The following DOP1B variants were observed in gnomAD, a reference collection of about 807,000 sequenced individuals.
DOP1B encodes protein DOP1B.
DOP1B carries 174 observed loss-of-function variants against 233.5 expected under a neutral mutation model. The observed-to-expected ratio is 0.75, with a 90% CI of 0.66 to 0.85. The LOEUF (loss-of-function observed/expected upper bound fraction) is 0.85. DOP1B is among the 40% of genes least tolerant of loss of function. DOP1B has a pLI of 0.00. For missense variants in DOP1B, 2,652 were observed against 2,846.6 expected (o/e 0.93, Z 1.56); for synonymous variants, 1,190 against 1,185.6 (o/e 1.00, Z -0.08).
In DOP1B at chr21:36,245,670, C is replaced by T. The variant is rs752011927; in HGVS notation, c.3690C>T (p.Leu1230=). ...AGGCCTTGTTCAAGCACATCCTGCTCTACCTGCAGCCCTACGACTCTCGGC... is the reference window on the plus strand; with the variant it reads ...AGGCCTTGTTCAAGCACATCCTGCTTTACCTGCAGCCCTACGACTCTCGGC... ...AVEALFKHIL[L]YLQPYDSRRV... is the part of the protein sequence containing the mutation. The change falls in exon 19 of 37, where the codon CTC becomes CTT. Residue 1230 remains leucine (L), a synonymous_variant. Transcript: ENST00000691173. The surrounding 1 kb of genome is among the most constrained non-coding windows in gnomAD (Gnocchi z 5.5). 1.2e-6 allele frequency: 2 copies of T among 1,613,638 alleles called. No homozygotes were observed. The highest frequency in any genetic ancestry group is 1.7e-6 in the Non-Finnish European group (2 of 1,180,018).
chr21:36,283,973 A>T (rs1601482450), intron 32 of DOP1B, among the ~76,000 whole-genome samples: 2 of 104,644 alleles, frequency 1.9e-5, no homozygotes, highest in Admixed American at 1.4e-4. Context: ...TTTGAGATGG[A>T]GTCTTGCTCT....
At chr21:36,195,176 C>G (rs2066275883) in intron 2 of DOP1B, among the ~76,000 whole-genome samples, 1 of 151,922 alleles carries the variant, frequency 6.6e-6, no homozygotes, top group Non-Finnish European at 1.5e-5. Context: ...CTTGTCTCTA[C>G]TAAAAAATAC....
intron 12 of DOP1B, among the ~76,000 whole-genome samples, chr21:36,226,265 A>G (rs1160480779): frequency 6.6e-6 from 1 of 151,598 alleles, no homozygotes; most frequent in Non-Finnish European, 1.5e-5. Flanking sequence ...AACAATAGAA[A>G]TGTTCTTTTC....
At chr21:36,264,017 CT>C (rs1415135107) in intron 26 of DOP1B, among the ~76,000 whole-genome samples, 1 of 152,214 alleles carries the variant, frequency 6.6e-6, no homozygotes, top group Non-Finnish European at 1.5e-5. Context: ...GATGAAGGTT[CT>C]TGTGTAATGC....
chr21:36,232,904 G>C lies in DOP1B; in HGVS notation c.2451G>C (p.Leu817=), dbSNP rs1031076997. The change falls in exon 15 of 37, where the codon CTG becomes CTC. Residue 817 remains leucine, a synonymous_variant. Transcript: ENST00000691173. The part of the protein sequence containing the change: ...CYLQNVAIST[L]LEVINHSQSL... ...TCCAGAACGTGGCCATTTCCACTCT[G>C]CTGGAAGTGATAAACCATTCCCAGT... 2.5e-6 allele frequency: 4 copies of C among 1,613,896 alleles called. No individual in the cohort carries two copies. The highest frequency in any genetic ancestry group is 3.3e-5 in the Admixed American group (2 of 59,960).
At chr21:36,181,527 C>A (rs1043131619) in intron 2 of DOP1B, among the ~76,000 whole-genome samples, 4 of 152,190 alleles carry the variant, frequency 2.6e-5, no homozygotes, top group Admixed American at 1.3e-4. Flanking sequence ...GATCCACCCC[C>A]CTCAGCCTCC....
intron 21 of DOP1B, among the ~76,000 whole-genome samples, chr21:36,249,703 G>A (rs1017137251): frequency 6.6e-5 from 10 of 152,128 alleles, no homozygotes; most frequent in Non-Finnish European, 1.0e-4. Flanking sequence ...CGCAGGACTC[G>A]GTCGCTCACC....
At chr21:36,277,563 G>C (rs1026720088) in intron 28 of DOP1B, among the ~76,000 whole-genome samples, 3 of 152,056 alleles carry the variant, frequency 2.0e-5, no homozygotes. Flanking sequence ...TTACAGGCGT[G>C]ACCCACCGCT....
chr21:36,220,324 T>C (rs1458611490), intron 10 of DOP1B, among the ~76,000 whole-genome samples: 1 of 152,168 alleles, frequency 6.6e-6, no homozygotes, highest in Non-Finnish European at 1.5e-5. Flanking sequence ...TTTACTGATA[T>C]TTGAAAGATC....
At chr21:36,165,826 C>A (rs1009240543) in intron 2 of DOP1B, among the ~76,000 whole-genome samples, 1 of 151,212 alleles carries the variant, frequency 6.6e-6, no homozygotes, top group African/African-American at 2.4e-5. Flanking sequence ...AGCGATTACT[C>A]CTGCCTCAGC....
intron 2 of DOP1B, chr21:36,169,337 T>C: frequency 1.3e-6 from 1 of 783,652 alleles, no homozygotes; most frequent in South Asian, 1.4e-5. Flanking sequence ...ACAGATCTTC[T>C]TGTTGATCTC....
chr21:36,257,371 A>G (rs904179042), intron 23 of DOP1B, among the ~76,000 whole-genome samples: 4 of 152,144 alleles, frequency 2.6e-5, no homozygotes, highest in African/African-American at 9.7e-5. Context: ...TACTTAATAC[A>G]GTGACTGGGG....
intron 32 of DOP1B, among the ~76,000 whole-genome samples, chr21:36,286,836 C>T (rs543903052): frequency 7.2e-5 from 11 of 151,916 alleles, no homozygotes; most frequent in African/African-American, 2.4e-4. Flanking sequence ...TGGTGGCAGA[C>T]ACCTGTAATC....
At chr21:36,260,881 G>A (rs2067161708) in intron 24 of DOP1B, 149 bp downstream of exon 24, 5 of 1,479,178 alleles carry the variant, frequency 3.4e-6, no homozygotes, top group Middle Eastern at 1.8e-4. Context: ...TCTTCCCAAG[G>A]TATTGATCTA....
chr21:36,287,613 G>C (rs1041610702), intron 32 of DOP1B, among the ~76,000 whole-genome samples: 2 of 123,506 alleles, frequency 1.6e-5, no homozygotes, highest in African/African-American at 6.3e-5. Context: ...TTGAGATGGA[G>C]TCTCACTCTG....
At position 36,246,430 on chromosome 21, in the gene DOP1B, G is replaced by T. The variant is rs747222206; in HGVS notation, c.4450G>T (p.Ala1484Ser). 6 of 1,613,452 alleles carry T rather than the reference G, an allele frequency of 3.7e-6. No homozygotes were observed. The highest frequency in any genetic ancestry group is 5.1e-6 in the Non-Finnish European group (6 of 1,179,810). Reference sequence around the variant, plus strand: ...CCTGAACTTCCAGCAGGCCATCAGCGCCCTGCAGTACGTGCAGCCCCACCC... The same window carrying T: ...CCTGAACTTCCAGCAGGCCATCAGCTCCCTGCAGTACGTGCAGCCCCACCC... ...RALNFQQAIS[A>S]LQYVQPHPLT... The change falls in exon 19 of 37, where the codon GCC becomes TCC. Residue 1484 changes from alanine to serine, a missense_variant. By Grantham distance (99) the Ala-to-Ser change is moderately conservative. Transcript: ENST00000691173. The surrounding 1 kb of genome is among the most constrained non-coding windows in gnomAD (Gnocchi z 5.1).
chr21:36,227,171 G>A (rs1040892787), intron 12 of DOP1B, among the ~76,000 whole-genome samples: 20 of 151,252 alleles, frequency 1.3e-4, no homozygotes, highest in African/African-American at 4.4e-4. Context: ...TCACACCACT[G>A]CACTCCAGCC....
chr21:36,158,826 A>G (rs142343794), intron 1 of DOP1B, among the ~76,000 whole-genome samples: 6,240 of 148,986 alleles, frequency 0.042, 178 homozygotes, highest in Non-Finnish European at 0.063. Context: ...AAAGAAAAGA[A>G]AAAAGAAATG....
At chr21:36,174,485 C>T (rs988235180) in intron 2 of DOP1B, among the ~76,000 whole-genome samples, 5 of 152,008 alleles carry the variant, frequency 3.3e-5, no homozygotes, top group African/African-American at 1.2e-4. Flanking sequence ...AACCAAAAAC[C>T]AAAATAATAA....
Sources: allele counts gnomAD v4.1 joint callset (sites outside exome capture counted in the v4.1 genomes callset), GRCh38; gene constraint gnomAD v4.1.1; non-coding constraint Gnocchi (gnomAD v3.1); transcripts MANE v1.5; gene names NCBI Gene and HGNC (gene_info 2026-07-23, HGNC 2026-07-21).